Variants in TASP1 observed in about 807,000 individuals in gnomAD.
TASP1 encodes threonine aspartase 1.
TASP1 carries 16 observed loss-of-function variants against 56.6 expected under a neutral mutation model. The ratio of observed to expected loss-of-function variants is 0.28; its 90% confidence interval spans 0.19 to 0.43. TASP1 has a LOEUF of 0.43. Ranked by LOEUF, TASP1 falls within the 20% of genes least tolerant of loss-of-function variation. The pLI is 1.00. For synonymous variants in TASP1, 179 were observed against 184.2 expected (o/e 0.97, Z 0.23); for missense variants, 393 against 511.6 (o/e 0.77, Z 2.24).
At chr20:13,506,034 C>T (rs1476360038) in intron 10 of TASP1, among the ~76,000 whole-genome samples, 1 of 151,708 alleles carries the variant, frequency 6.6e-6, no homozygotes, top group Non-Finnish European at 1.5e-5. Flanking sequence ...AGAAAAAAGA[C>T]TAAAATAAAA....
chr20:13,426,268 A>G (rs1249372396), intron 12 of TASP1, among the ~76,000 whole-genome samples: 1 of 152,144 alleles, frequency 6.6e-6, no homozygotes, highest in Non-Finnish European at 1.5e-5. Flanking sequence ...TATTCATTCA[A>G]CCAACACATT....
chr20:13,196,321 C>CT, the TASP1 span, among the ~76,000 whole-genome samples: 26 of 152,204 alleles, frequency 1.7e-4, no homozygotes, highest in South Asian at 4.1e-4. Flanking sequence ...AGTTTTAAAC[C>CT]ATCTAGTAGT....
chr20:13,356,825 G>T, the TASP1 span, among the ~76,000 whole-genome samples: 2 of 152,084 alleles, frequency 1.3e-5, no homozygotes, highest in African/African-American at 4.8e-5. Context: ...GTCTGTCAAG[G>T]TGGTGCTCTC....
At chr20:13,154,175 C>T in the TASP1 span, 1 of 1,610,298 alleles carries the variant, frequency 6.2e-7, no homozygotes, top group Non-Finnish European at 8.5e-7. Flanking sequence ...ACACCTAAAC[C>T]CCAAGGTGAC....
the TASP1 span, among the ~76,000 whole-genome samples, chr20:13,162,562 C>T: frequency 6.6e-6 from 1 of 152,084 alleles, no homozygotes; most frequent in African/African-American, 2.4e-5. Flanking sequence ...CCTAAAGGCT[C>T]ATAGACTAGA....
chr20:13,619,143 C>T (rs1361982099), intron 4 of TASP1, among the ~76,000 whole-genome samples: 1 of 152,070 alleles, frequency 6.6e-6, no homozygotes, highest in African/African-American at 2.4e-5. Flanking sequence ...AAAGATCCGT[C>T]CACTTCGGCC....
At chr20:13,411,325 T>G (rs1460854631) in intron 13 of TASP1, among the ~76,000 whole-genome samples, 1 of 152,180 alleles carries the variant, frequency 6.6e-6, no homozygotes, top group Non-Finnish European at 1.5e-5. Flanking sequence ...CATATAAATG[T>G]TAGGATTGTC....
At chr20:13,578,421 G>A (rs974106530) in intron 6 of TASP1, among the ~76,000 whole-genome samples, 3 of 151,918 alleles carry the variant, frequency 2.0e-5, no homozygotes, top group Admixed American at 2.0e-4. Flanking sequence ...ATTTTTCTCA[G>A]TTCCAAAGGA....
the TASP1 span, among the ~76,000 whole-genome samples, chr20:13,205,751 T>G: frequency 2.8e-4 from 42 of 152,176 alleles, 1 homozygote; most frequent in East Asian, 6.6e-3. Context: ...GGAAGGACAG[T>G]CCATAACACA....
the TASP1 span, among the ~76,000 whole-genome samples, chr20:13,271,529 T>C: frequency 2.1e-4 from 32 of 152,208 alleles, no homozygotes; most frequent in African/African-American, 7.5e-4. Context: ...TCTAATACTA[T>C]TGGTAATGCA....
At chr20:13,126,643 C>T in the TASP1 span, 1 of 1,614,062 alleles carries the variant, frequency 6.2e-7, no homozygotes, top group Non-Finnish European at 8.5e-7. Flanking sequence ...TATGCTTCAT[C>T]CATGAGCCCA....
the TASP1 span, among the ~76,000 whole-genome samples, chr20:13,308,584 G>A: frequency 6.6e-6 from 1 of 152,104 alleles, no homozygotes; most frequent in Non-Finnish European, 1.5e-5. Flanking sequence ...TCCACCAACA[G>A]AGGAACAGAC....
the TASP1 span, chr20:13,167,379 T>A: frequency 6.6e-6 from 1 of 152,142 alleles, no homozygotes; most frequent in Non-Finnish European, 1.5e-5. Flanking sequence ...CAAAAATGTG[T>A]CTTTGGTTAG....
At chr20:13,357,327 C>G in the TASP1 span, among the ~76,000 whole-genome samples, 1 of 152,136 alleles carries the variant, frequency 6.6e-6, no homozygotes, top group Non-Finnish European at 1.5e-5. Flanking sequence ...CCACCCACCC[C>G]AATTAGGCTA....
the TASP1 span, among the ~76,000 whole-genome samples, chr20:13,275,248 A>G: frequency 6.6e-6 from 1 of 152,194 alleles, no homozygotes; most frequent in Non-Finnish European, 1.5e-5. Context: ...GCACAGACAT[A>G]TTAACATGGC....
chr20:13,374,577 T>C, the TASP1 span, among the ~76,000 whole-genome samples: 1 of 152,156 alleles, frequency 6.6e-6, no homozygotes, highest in Non-Finnish European at 1.5e-5. Context: ...CTCGATCTCC[T>C]GACCTTGTGA....
At chr20:13,292,241 C>A in the TASP1 span, 1 of 622,390 alleles carries the variant, frequency 1.6e-6, no homozygotes, top group Admixed American at 3.1e-5. Flanking sequence ...CCTCTGTTGG[C>A]AAGTTTCTGC....
chr20:13,268,402 C>A, the TASP1 span, among the ~76,000 whole-genome samples: 3 of 111,304 alleles, frequency 2.7e-5, no homozygotes, highest in Non-Finnish European at 3.5e-5. Context: ...CTCTCTCTCT[C>A]TCCATGCTAG....
At chr20:13,120,446 A>G in the TASP1 span, among the ~76,000 whole-genome samples, 1 of 152,254 alleles carries the variant, frequency 6.6e-6, no homozygotes, top group African/African-American at 2.4e-5. Flanking sequence ...TAGGGTTCTC[A>G]GTAAACCCTG....
Sources: allele counts gnomAD v4.1 joint callset (sites outside exome capture counted in the v4.1 genomes callset), GRCh38; gene constraint gnomAD v4.1.1; transcripts MANE v1.5; gene names NCBI Gene and HGNC (gene_info 2026-07-23, HGNC 2026-07-21).